Variants in MAN2B2 observed in about 807,000 individuals in gnomAD.
MAN2B2 encodes epididymis-specific alpha-mannosidase.
In MAN2B2, 106 loss-of-function variants were observed where a neutral mutation model predicts 117.1. The ratio of observed to expected loss-of-function variants is 0.90; its 90% CI spans 0.77 to 1.06. The LOEUF is 1.06. MAN2B2 is among the 50% of genes least tolerant of loss of function. The pLI is 0.00. For missense variants in MAN2B2, 1,326 were observed against 1,381.4 expected, an observed-to-expected ratio of 0.96 and a Z score of 0.64; for synonymous variants, 544 against 595.1, an observed-to-expected ratio of 0.91 and a Z score of 1.25.
intron 7 of MAN2B2, among the ~76,000 whole-genome samples, 153 bp from the exon 8 acceptor site, chr4:6,596,960 G>A (rs1329814062): frequency 6.6e-6 from 1 of 152,198 alleles, no homozygotes; most frequent in Non-Finnish European, 1.5e-5. Flanking sequence ...GGAGCCGTAA[G>A]CCCTGGGCTC....
intron 18 of MAN2B2, 67 bp from the exon 19 acceptor site, chr4:6,621,121 G>A (rs1712151287): frequency 1.8e-6 from 2 of 1,125,640 alleles, no homozygotes; most frequent in South Asian, 2.5e-5. Flanking sequence ...ACAGGTGCAG[G>A]GGGTGAGAGG....
At chr4:6,588,932 C>T in intron 4 of MAN2B2, 113 bp from the exon 5 acceptor site, 1 of 721,972 alleles carries the variant, frequency 1.4e-6, no homozygotes, top group East Asian at 2.7e-5. Flanking sequence ...CCTTGAACCA[C>T]TGAGGGAGGG....
chr4:6,593,224 TG>T lies in MAN2B2; in HGVS notation c.736del (p.Val246CysfsTer5). ...CTGTCTTCCCCAAGCCTCCCCAAGA[TG>T]GGGTGTACCCCAACATGAGTGAGCC... ...VAVFPKPPQD[G>X]VYPNMSEPVT... On this transcript the variant is annotated frameshift_variant, in exon 6 of 19. Coordinates refer to ENST00000285599, the MANE Select transcript of MAN2B2 (RefSeq NM_015274.3). LOFTEE classifies it high-confidence loss of function. 1 of 1,613,860 alleles carries T rather than the reference TG, an allele frequency of 6.2e-7. No homozygotes were observed. Among genetic ancestry groups the T allele is most frequent in the South Asian group, 1.1e-5 (1 of 91,036 alleles).
rs768950143 is a variant in MAN2B2, at chr4:6,609,156, G to A, written c.1864G>A (p.Val622Ile). Reference protein sequence around the residue: ...RVTQEFLEYHVNGDVKQGPIS... With the variant: ...RVTQEFLEYHINGDVKQGPIS... ...GACCCAGGAATTCCTGGAGTACCAC[G>A]TCAACGGGGATGTGAAACAGGGCCC... Residue 622 changes from valine to isoleucine, a missense_variant, in exon 12 of 19, where the codon GTC becomes ATC. Transcript: ENST00000285599. 22 of 1,614,102 alleles carry A rather than the reference G, an allele frequency of 1.4e-5. No individual in the cohort carries two copies. The highest frequency in any genetic ancestry group is 4.4e-5 in the South Asian group (4 of 91,088).
chr4:6,614,152 C>T, intron 15 of MAN2B2, 66 bp from the exon 16 acceptor site: 5 of 1,577,300 alleles, frequency 3.2e-6, no homozygotes, highest in Non-Finnish European at 4.3e-6. Context: ...ATGTGCAGAG[C>T]TCTGAGTGCC....
chr4:6,617,505 AC>A lies in MAN2B2; in HGVS notation c.2814+18del. The stretch of plus-strand genomic sequence containing the variant: ...AGTGAATCTGGAGGTGAACTTCCCC[AC>A]CCCCATCCAGACCATAAGCCAGGGA... On this transcript the variant is annotated intron_variant, in intron 17 of 18. Transcript: ENST00000285599. The A allele has an allele frequency of 1.2e-6, 2 of 1,613,510 alleles. No individual in the cohort carries two copies. Among genetic ancestry groups the A allele is most frequent in the Non-Finnish European group, 1.7e-6 (2 of 1,179,758 alleles).
intron 18 of MAN2B2, 30 bp from the exon 19 acceptor site, chr4:6,621,158 A>G: frequency 6.4e-7 from 1 of 1,567,190 alleles, no homozygotes; most frequent in Non-Finnish European, 8.8e-7. Flanking sequence ...ATCCCAGGCC[A>G]CACTGGACAG....
intron 11 of MAN2B2, among the ~76,000 whole-genome samples, chr4:6,605,914 TTCA>T (rs2108751284): frequency 2.3e-5 from 1 of 43,692 alleles, no homozygotes; most frequent in East Asian, 1.3e-3. Flanking sequence ...CAACCACCCA[TTCA>T]TTCATTCATT....
intron 10 of MAN2B2, among the ~76,000 whole-genome samples, chr4:6,603,114 A>G (rs1052462049): frequency 6.6e-6 from 1 of 152,160 alleles, no homozygotes; most frequent in Admixed American, 6.5e-5. Flanking sequence ...GCATGTGGGA[A>G]AGCCTTCAGG....
intron 11 of MAN2B2, among the ~76,000 whole-genome samples, chr4:6,605,917 A>G (rs936566294): frequency 3.3e-5 from 5 of 151,986 alleles, no homozygotes; most frequent in African/African-American, 9.7e-5. Flanking sequence ...CCACCCATTC[A>G]TTCATTCATT....
chr4:6,595,966 G>A (rs1440007438), intron 7 of MAN2B2, among the ~76,000 whole-genome samples: 6 of 152,232 alleles, frequency 3.9e-5, no homozygotes, highest in Non-Finnish European at 8.8e-5. Context: ...GGGGATGTCC[G>A]TGGATGTGGG....
In MAN2B2 at chr4:6,614,368, C is replaced by CCCTGGCGTCTCAGA; in HGVS notation, c.2701+18_2701+31dup. 1 of 1,612,362 alleles carries CCCTGGCGTCTCAGA rather than the reference C, an allele frequency of 6.2e-7. No individual in the cohort carries two copies. The highest frequency in any genetic ancestry group is 8.5e-7 in the Non-Finnish European group (1 of 1,178,990). ...AATCTCCGGAAAGGTGAGGCAGGTG[C>CCCTGGCGTCTCAGA]CCTGGCGTCTCAGACCTGCTCCTCC... On this transcript the variant is annotated intron_variant, in intron 16 of 18. Coordinates refer to ENST00000285599, the MANE Select transcript of MAN2B2 (RefSeq NM_015274.3).
intron 6 of MAN2B2, 48 bp downstream of exon 6, chr4:6,593,398 A>G (rs772430639): frequency 7.7e-6 from 12 of 1,560,254 alleles, no homozygotes; most frequent in South Asian, 2.4e-5. Context: ...CCCAAGGAGC[A>G]CTATGCAAGC....
rs1560634982 is a variant in MAN2B2 at position 6,579,289 on chromosome 4, T to TCAC, written c.391+800_391+802dup. ...ACCACCATCACCACCACCATCACCA[T>TCAC]CACCACCACCATCACCACCACCACC... On this transcript the variant is annotated intron_variant, in intron 3 of 18. Transcript: ENST00000285599. Among the ~76,000 whole-genome samples, 124 of 14,762 alleles carry TCAC rather than the reference T, an allele frequency of 8.4e-3. 3 individuals carry two copies. The highest frequency in any genetic ancestry group is 0.013 in the East Asian group (3 of 234). 9.7% of individuals were successfully genotyped at this position (14,762 alleles called of 152,430 possible).
Position 6,609,772 on chromosome 4 carries a change from C to T in MAN2B2, c.2007-26C>T. On this transcript the variant is annotated intron_variant, in intron 12 of 18. Coordinates refer to ENST00000285599, the MANE Select transcript of MAN2B2 (RefSeq NM_015274.3). Reference sequence around the variant, plus strand: ...CATCTAGAAGGTTCCTGGAGCTTCACTTACTGATGCTCCCTTCTCCTCCAG... The same window carrying T: ...CATCTAGAAGGTTCCTGGAGCTTCATTTACTGATGCTCCCTTCTCCTCCAG... The T allele has an allele frequency of 8.2e-6, 13 of 1,577,698 alleles. 1 individual carries two copies. The highest frequency in any genetic ancestry group is 9.5e-6 in the Non-Finnish European group (11 of 1,156,632).
chr4:6,593,722 G>A (rs1001558365), intron 6 of MAN2B2, among the ~76,000 whole-genome samples: 3 of 152,222 alleles, frequency 2.0e-5, no homozygotes, highest in East Asian at 3.9e-4. Context: ...AAGCGTTCCC[G>A]GGAAGCCAGT....
At chr4:6,577,082 C>T (rs1189992295) in intron 2 of MAN2B2, among the ~76,000 whole-genome samples, 2 of 152,160 alleles carry the variant, frequency 1.3e-5, no homozygotes, top group South Asian at 2.1e-4. Flanking sequence ...GTGTTATCTG[C>T]CTGGCCCCCG....
In MAN2B2 at chr4:6,600,734, C is replaced by T. The variant is rs373139515; in HGVS notation, c.1517C>T (p.Ala506Val). The change falls in exon 10 of 19, where the codon GCG becomes GTG. Residue 506 changes from alanine to valine, a missense_variant. Coordinates refer to ENST00000285599, the MANE Select transcript of MAN2B2 (RefSeq NM_015274.3). ...CCTGGAGTCCGCGTCACAGATGAGG[C>T]GGGCCACCCAGTGCCCTCGCAGGTA... ...GFPGVRVTDE[A>V]GHPVPSQIQN... 66 of 1,613,596 alleles carry T rather than the reference C, an allele frequency of 4.1e-5. No homozygotes were observed. The highest frequency in any genetic ancestry group is 6.7e-5 in the East Asian group (3 of 44,896).
chr4:6,605,668 C>T (rs75671832), intron 11 of MAN2B2, among the ~76,000 whole-genome samples: 7 of 152,142 alleles, frequency 4.6e-5, no homozygotes, highest in South Asian at 2.1e-4. Context: ...TAAAGCAGGA[C>T]GGGACTTTCA....
Sources: allele counts gnomAD v4.1 joint callset (sites outside exome capture counted in the v4.1 genomes callset), GRCh38; gene constraint gnomAD v4.1.1; transcripts MANE v1.5; gene names NCBI Gene and HGNC (gene_info 2026-07-23, HGNC 2026-07-21).